Variants in BBOX1 observed in about 807,000 individuals in gnomAD.
BBOX1 encodes the protein gamma-butyrobetaine hydroxylase 1.
Under a neutral mutation model 41.6 loss-of-function variants are expected in BBOX1, and 35 were observed. That is an observed-to-expected ratio of 0.84 (90% CI 0.64 to 1.11). BBOX1 has a LOEUF of 1.11. BBOX1 is among the 50% of genes most tolerant of loss of function. BBOX1 has a pLI of 0.00. For synonymous variants in BBOX1, 163 were observed against 154.7 expected (o/e 1.05, Z -0.40); for missense variants, 458 against 460.6 (o/e 0.99, Z 0.05).
At chr11:27,086,956 CTAGAAT>C (rs1327930739) in intron 4 of BBOX1, among the ~76,000 whole-genome samples, 1 of 152,018 alleles carries the variant, frequency 6.6e-6, no homozygotes, top group Non-Finnish European at 1.5e-5. Flanking sequence ...AGCAAGAGAA[CTAGAAT>C]TAGAAGTAGA....
intron 7 of BBOX1, among the ~76,000 whole-genome samples, chr11:27,124,981 T>C (rs1859599561): frequency 6.6e-6 from 1 of 152,166 alleles, no homozygotes; most frequent in Non-Finnish European, 1.5e-5. Flanking sequence ...TAGAGAGTGA[T>C]ATGTGCAACA....
At chr11:27,121,053 T>G (rs1236319569) in intron 7 of BBOX1, among the ~76,000 whole-genome samples, 1 of 152,142 alleles carries the variant, frequency 6.6e-6, no homozygotes, top group Non-Finnish European at 1.5e-5. Context: ...AAGGGGAATC[T>G]GTAGGGCTTA....
chr11:27,094,513 A>G (rs892634714), intron 5 of BBOX1, among the ~76,000 whole-genome samples: 1 of 152,004 alleles, frequency 6.6e-6, no homozygotes, highest in Non-Finnish European at 1.5e-5. Flanking sequence ...TTGAAAAATC[A>G]TATCTAGCAA....
At chr11:27,065,732 G>T (rs1238600571) in intron 4 of BBOX1, among the ~76,000 whole-genome samples, 1 of 151,964 alleles carries the variant, frequency 6.6e-6, no homozygotes, top group Non-Finnish European at 1.5e-5. Flanking sequence ...TATTTTACTA[G>T]ATGTATTGAT....
chr11:27,092,268 C>T (rs940979296), intron 4 of BBOX1, among the ~76,000 whole-genome samples: 3 of 151,912 alleles, frequency 2.0e-5, no homozygotes, highest in Non-Finnish European at 2.9e-5. Flanking sequence ...ATATTGAGAT[C>T]GCAAGTTCTC....
At position 27,085,559 on chromosome 11, in the gene BBOX1, C is replaced by A. The variant is rs933405047; in HGVS notation, c.335-7609C>A. Among the ~76,000 whole-genome samples the A allele has an allele frequency of 4.1e-3, 484 of 117,762 alleles. 7 individuals are homozygous for A. The highest frequency in any genetic ancestry group is 0.026 in the African/African-American group (427 of 16,272). 77.3% of individuals were successfully genotyped at this position (117,762 alleles called of 152,430 possible). ...ACTGTCCAGCCACATTCCCCCATCT[C>A]TCTCTCTCTCTCTCTCTCTCTCTCT... On this transcript the variant is annotated intron_variant, in intron 4 of 8. Coordinates refer to ENST00000263182, the MANE Select transcript of BBOX1 (RefSeq NM_003986.3).
At chr11:27,068,116 T>C (rs1192596668) in intron 4 of BBOX1, among the ~76,000 whole-genome samples, 1 of 152,164 alleles carries the variant, frequency 6.6e-6, no homozygotes, top group African/African-American at 2.4e-5. Context: ...CTGGATTGAA[T>C]AGTAGTTCTA....
intron 5 of BBOX1, among the ~76,000 whole-genome samples, chr11:27,102,673 T>G (rs2134065178): frequency 6.6e-6 from 1 of 152,206 alleles, no homozygotes; most frequent in South Asian, 2.1e-4. Context: ...AGCACCAAAC[T>G]TAGCTCAATG....
intron 4 of BBOX1, among the ~76,000 whole-genome samples, chr11:27,057,814 A>G (rs1245541085): frequency 1.3e-5 from 2 of 152,128 alleles, no homozygotes; most frequent in African/African-American, 4.8e-5. Context: ...GTGTGCATGT[A>G]CACACACATG....
chr11:27,093,326 C>G lies in BBOX1; in HGVS notation c.493C>G (p.Leu165Val). The change falls in exon 5 of 9, where the codon CTT becomes GTT. Residue 165 changes from leucine to valine, a missense_variant. Transcript: ENST00000263182. ...TGACAAACCAGGAGAAGTTTCAAAA[C>G]TTGGGAAAAGGATGGGTTTCCTCTA... ...ASDKPGEVSK[L>V]GKRMGFLYLT... The G allele has an allele frequency of 1.2e-6, 2 of 1,612,442 alleles. No homozygotes were observed. The highest frequency in any genetic ancestry group is 1.7e-6 in the Non-Finnish European group (2 of 1,178,974).
At chr11:27,126,677 C>CT (rs66505246) in intron 8 of BBOX1, among the ~76,000 whole-genome samples, 2,600 of 127,776 alleles carry the variant, frequency 0.02, 94 homozygotes, top group African/African-American at 0.066. Flanking sequence ...TCTTTTTTTT[C>CT]TTTTTTTTTT....
intron 2 of BBOX1, among the ~76,000 whole-genome samples, chr11:27,043,459 C>CAGAATGTGCAGGATTGGGGTACAT (rs1564948369): frequency 6.6e-6 from 1 of 151,306 alleles, no homozygotes; most frequent in Non-Finnish European, 1.5e-5. Flanking sequence ...TTGGGGTACA[C>CAGAATGTGCAGGATTGGGGTACAT]GTGCAGAATG....
chr11:27,119,670 A>C lies in BBOX1; in HGVS notation c.661A>C (p.Lys221Gln), dbSNP rs758686414. The change falls in exon 7 of 9, where the codon AAG (lysine) becomes CAG (glutamine). Residue 221 changes from lysine (K) to glutamine (Q), a missense_variant. Physicochemically the swap from Lys to Gln is moderately conservative, Grantham distance 53 (BLOSUM62 1). Transcript: ENST00000263182. ...PPGVQLLHCI[K>Q]QTVTGGDSEI... Reference sequence around the variant, plus strand: ...ATAGGTTCAGCTTCTTCACTGCATAAAGCAAACAGTCACAGGGGGTGATTC... The same window carrying C: ...ATAGGTTCAGCTTCTTCACTGCATACAGCAAACAGTCACAGGGGGTGATTC... 1 of 1,520,094 alleles carries C rather than the reference A, an allele frequency of 6.6e-7. No individual in the cohort carries two copies. Among genetic ancestry groups the C allele is most frequent in the Non-Finnish European group, 8.8e-7 (1 of 1,137,064 alleles). The allele number at this position is 1,520,094 out of a possible 1,614,324, so 94.2% of individuals were successfully genotyped here. A position where few individuals can be genotyped will look rare whatever the true frequency, so the allele number is the denominator to read the frequency against.
chr11:27,044,271 GC>G (rs1391179288), intron 2 of BBOX1, among the ~76,000 whole-genome samples: 1 of 152,036 alleles, frequency 6.6e-6, no homozygotes, highest in Non-Finnish European at 1.5e-5. Flanking sequence ...CATATCTTTT[GC>G]CCATTTTTGA....
intron 2 of BBOX1, among the ~76,000 whole-genome samples, chr11:27,054,937 A>G (rs1007055815): frequency 1.3e-5 from 2 of 152,236 alleles, no homozygotes; most frequent in Middle Eastern, 3.2e-3. Context: ...AGACGAGTTT[A>G]CTAATTTAGT....
chr11:27,099,172 C>T (rs1564979448), intron 5 of BBOX1, among the ~76,000 whole-genome samples: 2 of 151,676 alleles, frequency 1.3e-5, no homozygotes. Flanking sequence ...CTCTTCTTCC[C>T]CAAAAAGTCA....
intron 2 of BBOX1, among the ~76,000 whole-genome samples, chr11:27,050,192 T>A (rs1851628200): frequency 6.6e-6 from 1 of 152,152 alleles, no homozygotes; most frequent in Non-Finnish European, 1.5e-5. Context: ...GTAGGCTGAC[T>A]ATAACTTTCT....
intron 4 of BBOX1, among the ~76,000 whole-genome samples, chr11:27,084,693 A>AT (rs2134022878): frequency 6.6e-6 from 1 of 152,132 alleles, no homozygotes; most frequent in East Asian, 1.9e-4. Context: ...GAAATAACAC[A>AT]TTGCAACCCA....
chr11:27,082,656 A>G (rs931722783), intron 4 of BBOX1, among the ~76,000 whole-genome samples: 3 of 152,190 alleles, frequency 2.0e-5, no homozygotes, highest in African/African-American at 7.2e-5. Context: ...TAAAATGAGA[A>G]CAATGATAGA....
Sources: allele counts gnomAD v4.1 joint callset (sites outside exome capture counted in the v4.1 genomes callset), GRCh38; gene constraint gnomAD v4.1.1; transcripts MANE v1.5; gene names NCBI Gene and HGNC (gene_info 2026-07-23, HGNC 2026-07-21).